Variants in CAMK1D observed in about 807,000 individuals in gnomAD.
The protein encoded by CAMK1D is calcium/calmodulin dependent protein kinase ID.
Under a neutral mutation model 47.7 loss-of-function variants are expected in CAMK1D, and 9 were observed. The ratio of observed to expected loss-of-function variants is 0.19; its 90% CI spans 0.11 to 0.33. CAMK1D has a LOEUF of 0.33. Among genes scored for constraint, CAMK1D ranks in the 10% least tolerant of loss-of-function variants. CAMK1D has a pLI of 1.00. For missense variants in CAMK1D, 291 were observed against 488.7 expected (o/e 0.60, Z 3.81); for synonymous variants, 184 against 184.9 (o/e 0.99, Z 0.04).
chr10:12,378,371 G>T (rs1186925757), intron 1 of CAMK1D, among the ~76,000 whole-genome samples: 1 of 151,950 alleles, frequency 6.6e-6, no homozygotes, highest in African/African-American at 2.4e-5. Context: ...TCAGCCTCCT[G>T]TGTAGCTGGG....
At chr10:12,509,149 T>C (rs1834966629) in intron 1 of CAMK1D, among the ~76,000 whole-genome samples, 1 of 152,172 alleles carries the variant, frequency 6.6e-6, no homozygotes, top group Non-Finnish European at 1.5e-5. Context: ...CTCTGGATAA[T>C]TGCACGACTT....
chr10:12,633,904 C>T (rs1210571958), intron 2 of CAMK1D, among the ~76,000 whole-genome samples: 1 of 152,180 alleles, frequency 6.6e-6, no homozygotes, highest in East Asian at 1.9e-4. Context: ...GTGAGGGATG[C>T]CCTGACCCTT....
chr10:12,697,229 G>A (rs1182835474), intron 3 of CAMK1D, among the ~76,000 whole-genome samples: 1 of 152,140 alleles, frequency 6.6e-6, no homozygotes, highest in African/African-American at 2.4e-5. Context: ...AAGAACCAGA[G>A]CTAGAAACAG....
At chr10:12,518,215 G>A (rs921499920) in intron 1 of CAMK1D, among the ~76,000 whole-genome samples, 2 of 152,184 alleles carry the variant, frequency 1.3e-5, no homozygotes, top group African/African-American at 4.8e-5. Context: ...TATGAATAAA[G>A]TTTTATTGGA....
At chr10:12,719,921 A>G (rs900205193) in intron 3 of CAMK1D, among the ~76,000 whole-genome samples, 4 of 152,218 alleles carry the variant, frequency 2.6e-5, no homozygotes, top group African/African-American at 9.6e-5. Flanking sequence ...CTCGAGTTTT[A>G]GCACACAGAA....
At chr10:12,447,068 T>C (rs985955130) in intron 1 of CAMK1D, among the ~76,000 whole-genome samples, 1 of 152,182 alleles carries the variant, frequency 6.6e-6, no homozygotes, top group African/African-American at 2.4e-5. Context: ...AAACTCAGTG[T>C]TTGGGTCTAA....
chr10:12,814,115 T>C, intron 6 of CAMK1D, 80 bp from the exon 7 acceptor site: 1 of 924,036 alleles, frequency 1.1e-6, no homozygotes, highest in Non-Finnish European at 1.8e-6. Context: ...GTTGGTAATG[T>C]CTCTTCCTTC....
At chr10:12,457,607 C>T (rs1208369300) in intron 1 of CAMK1D, among the ~76,000 whole-genome samples, 3 of 151,580 alleles carry the variant, frequency 2.0e-5, no homozygotes, top group Non-Finnish European at 4.4e-5. Context: ...ATGGTGAAAC[C>T]TTATCTCTAC....
intron 2 of CAMK1D, among the ~76,000 whole-genome samples, chr10:12,594,255 A>G (rs1022303735): frequency 2.6e-5 from 4 of 152,222 alleles, no homozygotes; most frequent in South Asian, 2.1e-4. Flanking sequence ...TCAAATTCTC[A>G]TTGCTGTGAT....
At chr10:12,734,319 T>C (rs1430049535) in intron 3 of CAMK1D, among the ~76,000 whole-genome samples, 3 of 58,542 alleles carry the variant, frequency 5.1e-5, no homozygotes, top group African/African-American at 3.2e-4. Context: ...CGAGACTCCA[T>C]CTCAAAAAAA....
At chr10:12,655,570 GTTCA>G (rs1224517063) in intron 2 of CAMK1D, among the ~76,000 whole-genome samples, 4 of 152,164 alleles carry the variant, frequency 2.6e-5, no homozygotes, top group African/African-American at 4.8e-5. Flanking sequence ...AGAATTAATT[GTTCA>G]TTCATTCATT....
intron 1 of CAMK1D, among the ~76,000 whole-genome samples, chr10:12,406,722 C>CA (rs3061400): frequency 0.22 from 15,223 of 68,264 alleles, 3,795 homozygotes; most frequent in Non-Finnish European, 0.3. Context: ...GACCCTGTCT[C>CA]AAAAAAAAAA....
intron 1 of CAMK1D, among the ~76,000 whole-genome samples, chr10:12,464,429 C>T (rs2132060823): frequency 6.6e-6 from 1 of 152,268 alleles, no homozygotes; most frequent in Admixed American, 6.5e-5. Flanking sequence ...AGAAGGTGTA[C>T]CATTTGATCG....
At position 12,694,186 on chromosome 10, in the gene CAMK1D, T is replaced by TATATTATGC. The variant is rs1564498382; in HGVS notation, c.299+27379_299+27380insTTATGCATA. Among the ~76,000 whole-genome samples, 42 of 42,306 alleles carry TATATTATGC rather than the reference T, an allele frequency of 9.9e-4. 8 individuals carry two copies. The highest frequency in any genetic ancestry group is 4.3e-3 in the African/African-American group (41 of 9,534). 27.8% of individuals were successfully genotyped at this position (42,306 alleles called of 152,430 possible). On this transcript the variant is annotated intron_variant, in intron 3 of 10. Transcript: ENST00000619168. ...TATGCATAATATATATTATATATAA[T>TATATTATGC]ATAATATATATTATATATTATGTAT...
At chr10:12,581,322 A>G (rs1382845137) in intron 2 of CAMK1D, among the ~76,000 whole-genome samples, 2 of 152,104 alleles carry the variant, frequency 1.3e-5, no homozygotes, top group Admixed American at 6.5e-5. Flanking sequence ...ATATTTTTGC[A>G]ATTGTGAATT....
chr10:12,559,113 G>A (rs984596110), intron 2 of CAMK1D, among the ~76,000 whole-genome samples: 1 of 151,960 alleles, frequency 6.6e-6, no homozygotes, highest in East Asian at 1.9e-4. Flanking sequence ...TTCAAGACCA[G>A]CCTGGGCATC....
chr10:12,677,951 T>C (rs1440433555), intron 3 of CAMK1D, among the ~76,000 whole-genome samples: 3 of 152,168 alleles, frequency 2.0e-5, no homozygotes, highest in African/African-American at 7.2e-5. Flanking sequence ...GGACTAACGA[T>C]TGAATATGCT....
intron 1 of CAMK1D, among the ~76,000 whole-genome samples, chr10:12,452,466 C>A (rs1377147707): frequency 6.6e-6 from 1 of 150,762 alleles, no homozygotes; most frequent in Non-Finnish European, 1.5e-5. Context: ...CAATACAGTA[C>A]AATTATTTAT....
At chr10:12,663,437 C>G (rs1206466914) in intron 2 of CAMK1D, among the ~76,000 whole-genome samples, 7 of 152,082 alleles carry the variant, frequency 4.6e-5, no homozygotes, top group Non-Finnish European at 7.4e-5. Flanking sequence ...GGCATTATAT[C>G]CCTCAAATCT....
Sources: allele counts gnomAD v4.1 joint callset (sites outside exome capture counted in the v4.1 genomes callset), GRCh38; gene constraint gnomAD v4.1.1; transcripts MANE v1.5; gene names NCBI Gene and HGNC (gene_info 2026-07-23, HGNC 2026-07-21).